The following LRRC7 variants were observed in gnomAD, a reference collection of about 807,000 sequenced individuals.
LRRC7 encodes leucine-rich repeat-containing protein 7.
Under a neutral mutation model 175.7 loss-of-function variants are expected in LRRC7, and 23 were observed. That is an observed-to-expected ratio of 0.13 (90% confidence interval 0.09 to 0.19). The LOEUF is 0.19. Ranked by LOEUF, LRRC7 falls within the 10% of genes least tolerant of loss-of-function variation. The pLI, the probability that LRRC7 is intolerant of heterozygous loss-of-function variation, is 1.00. For synonymous variants in LRRC7, 685 were observed against 680.9 expected, an observed-to-expected ratio of 1.01 and a Z score of -0.09; for missense variants, 1,354 against 1,904.7, an observed-to-expected ratio of 0.71 and a Z score of 5.38.
chr1:69,787,703 C>T (rs986433442), intron 3 of LRRC7, among the ~76,000 whole-genome samples: 3 of 152,218 alleles, frequency 2.0e-5, no homozygotes, highest in South Asian at 4.1e-4. Flanking sequence ...CAAAGGTCTC[C>T]GACATGCCCT....
At chr1:69,843,810 G>A (rs1296268779) in intron 7 of LRRC7, among the ~76,000 whole-genome samples, 2 of 152,084 alleles carry the variant, frequency 1.3e-5, no homozygotes, top group Admixed American at 6.6e-5. Flanking sequence ...ATTAGATCAT[G>A]AAAGTCAAAA....
intron 11 of LRRC7, 108 bp downstream of exon 11, chr1:69,994,741 G>A: frequency 1.5e-6 from 1 of 649,230 alleles, no homozygotes. Flanking sequence ...CAATAATCCT[G>A]TTCATCTGTC....
intron 3 of LRRC7, among the ~76,000 whole-genome samples, chr1:69,776,716 G>GGTGT (rs376249477): frequency 6.6e-6 from 1 of 150,458 alleles, no homozygotes; most frequent in Non-Finnish European, 1.5e-5. Flanking sequence ...GGTGTGTGTG[G>GGTGT]GTGTGTGTGT....
intron 10 of LRRC7, among the ~76,000 whole-genome samples, chr1:69,987,813 G>A (rs1570922567): frequency 6.6e-6 from 1 of 152,212 alleles, no homozygotes; most frequent in East Asian, 1.9e-4. Flanking sequence ...TCCTAGAATT[G>A]TTGACTTTTT....
At chr1:69,608,980 A>G (rs1475876318) in intron 1 of LRRC7, among the ~76,000 whole-genome samples, 1 of 149,304 alleles carries the variant, frequency 6.7e-6, no homozygotes. Context: ...AAATATGTTC[A>G]TATTACCTAA....
intron 2 of LRRC7, among the ~76,000 whole-genome samples, chr1:69,744,918 C>T (rs1191873634): frequency 6.6e-6 from 1 of 151,836 alleles, no homozygotes; most frequent in East Asian, 1.9e-4. Context: ...TAGTCTTCAA[C>T]ATGTAAAGAT....
At chr1:69,875,312 G>T (rs1415918017) in intron 7 of LRRC7, among the ~76,000 whole-genome samples, 4 of 151,930 alleles carry the variant, frequency 2.6e-5, no homozygotes, top group African/African-American at 9.7e-5. Flanking sequence ...TAACCTTACT[G>T]CAGTAAACCA....
At chr1:69,664,190 T>C (rs1358226029) in intron 1 of LRRC7, among the ~76,000 whole-genome samples, 1 of 152,218 alleles carries the variant, frequency 6.6e-6, no homozygotes, top group East Asian at 1.9e-4. Flanking sequence ...ACATTTACTT[T>C]AGGCATTTAT....
rs1033265857 is a variant in LRRC7, at chr1:70,137,083, C to A, written c.*15196C>A. Among the ~76,000 whole-genome samples, 8 of 152,150 alleles carry A rather than the reference C, an allele frequency of 5.3e-5. No homozygotes were observed. The highest frequency in any genetic ancestry group is 1.9e-4 in the African/African-American group (8 of 41,420). ...TTCTGTTATCTCAGGAAGGAAAGTT[C>A]TTGTCCCTTGTATATATGTATCTTG... is the stretch of plus-strand genomic sequence containing the variant. On this transcript the variant is annotated 3_prime_UTR_variant, in exon 27 of 27. Transcript: ENST00000651989.
intron 1 of LRRC7, among the ~76,000 whole-genome samples, chr1:69,643,244 T>C (rs1320803514): frequency 2.6e-5 from 4 of 152,112 alleles, no homozygotes; most frequent in Non-Finnish European, 2.9e-5. Flanking sequence ...TTACTTAGTC[T>C]ACTGATTGAA....
intron 7 of LRRC7, among the ~76,000 whole-genome samples, chr1:69,900,061 A>G (rs1276643758): frequency 6.6e-6 from 1 of 152,180 alleles, no homozygotes; most frequent in Non-Finnish European, 1.5e-5. Flanking sequence ...AAATATTATT[A>G]TTTTGTCTTT....
chr1:69,652,004 G>C (rs1655905397), intron 1 of LRRC7, among the ~76,000 whole-genome samples: 1 of 152,110 alleles, frequency 6.6e-6, no homozygotes, highest in Non-Finnish European at 1.5e-5. Context: ...GAGGAAAGGA[G>C]AGGAGTGGAG....
At chr1:69,681,398 C>T (rs1660473421) in intron 2 of LRRC7, among the ~76,000 whole-genome samples, 1 of 152,130 alleles carries the variant, frequency 6.6e-6, no homozygotes, top group South Asian at 2.1e-4. Context: ...TTTGGAGATA[C>T]TGTATACGGG....
In LRRC7 at chr1:69,779,031, TAC is replaced by T. The variant is rs535028708; in HGVS notation, c.304-12996_304-12995del. 2.1e-3 allele frequency among the ~76,000 whole-genome samples: 300 copies of T among 143,494 alleles called. 1 individual carries two copies. The highest frequency in any genetic ancestry group is 3.5e-3 in the Middle Eastern group (1 of 284). 94.1% of individuals were successfully genotyped at this position (143,494 alleles called of 152,430 possible). ...ACACACACACAAACATATATATATA[TAC>T]ACACACACACACACAGATACATACA... On this transcript the variant is annotated intron_variant, in intron 3 of 26. Transcript: ENST00000651989.
intron 4 of LRRC7, among the ~76,000 whole-genome samples, chr1:69,814,205 T>C (rs189888621): frequency 2.0e-5 from 3 of 152,174 alleles, no homozygotes; most frequent in African/African-American, 7.2e-5. Flanking sequence ...TTTTGAAAAT[T>C]TTATTAAATC....
At chr1:69,604,146 CT>C (rs1368623163) in intron 1 of LRRC7, among the ~76,000 whole-genome samples, 5 of 152,100 alleles carry the variant, frequency 3.3e-5, no homozygotes, top group African/African-American at 1.2e-4. Context: ...CAAGCTATGG[CT>C]TCTGTGTTGT....
chr1:69,729,298 G>T (rs1015192620), intron 2 of LRRC7, among the ~76,000 whole-genome samples: 1 of 151,988 alleles, frequency 6.6e-6, no homozygotes. Flanking sequence ...GTCCCCCAAG[G>T]TCTTCACTTA....
intron 2 of LRRC7, among the ~76,000 whole-genome samples, chr1:69,758,640 T>G (rs1384685994): frequency 1.3e-5 from 2 of 152,006 alleles, no homozygotes; most frequent in Non-Finnish European, 2.9e-5. Flanking sequence ...GGTAGTTTTT[T>G]GAATCCTCAC....
intron 1 of LRRC7, among the ~76,000 whole-genome samples, chr1:69,576,428 A>G (rs571894985): frequency 2.0e-5 from 3 of 152,306 alleles, no homozygotes; most frequent in Admixed American, 6.5e-5. Context: ...AATTTAAGGC[A>G]AGATGTTTTA....
Sources: allele counts gnomAD v4.1 joint callset (sites outside exome capture counted in the v4.1 genomes callset), GRCh38; gene constraint gnomAD v4.1.1; transcripts MANE v1.5; gene names NCBI Gene and HGNC (gene_info 2026-07-23, HGNC 2026-07-21).